Variants in MAF observed in about 807,000 individuals in gnomAD.
MAF encodes the protein transcription factor Maf.
Under a neutral mutation model 22.0 loss-of-function variants are expected in MAF, and 10 were observed. That is an observed-to-expected ratio of 0.45 (90% CI 0.28 to 0.77). MAF has a LOEUF of 0.77. MAF is among the 30% of genes least tolerant of loss of function. The pLI is 0.12. For synonymous variants in MAF, 337 were observed against 255.8 expected (o/e 1.32, Z -3.03); for missense variants, 544 against 548.4 (o/e 0.99, Z 0.08).
At chr16:79,582,585 C>T (rs1435083088), downstream of MAF, among the ~76,000 whole-genome samples, 4 of 152,084 alleles carry the variant, frequency 2.6e-5, no homozygotes, top group Non-Finnish European at 4.4e-5. Flanking sequence ...GAAAGAAAAA[C>T]GTTAGCCAGG....
the MAF span, among the ~76,000 whole-genome samples, chr16:79,334,251 C>G: frequency 2.0e-5 from 3 of 152,198 alleles, no homozygotes; most frequent in South Asian, 2.1e-4. Flanking sequence ...GTGCAATGGA[C>G]TATTGCACAG....
chr16:79,300,037 C>T, the MAF span, among the ~76,000 whole-genome samples: 2 of 152,106 alleles, frequency 1.3e-5, no homozygotes, highest in Admixed American at 6.6e-5. Flanking sequence ...TCCCACCTGG[C>T]GTCTCTTCCG....
chr16:79,308,430 A>G, the MAF span, among the ~76,000 whole-genome samples: 1,173 of 152,274 alleles, frequency 7.7e-3, 16 homozygotes, highest in African/African-American at 0.027. Context: ...CAGGCAGGCT[A>G]AATAACCTCA....
the MAF span, among the ~76,000 whole-genome samples, chr16:79,471,716 A>G: frequency 6.6e-6 from 1 of 152,298 alleles, no homozygotes; most frequent in South Asian, 2.1e-4. Context: ...CAAGTAAAAA[A>G]GCCCTGAGGT....
At chr16:79,446,158 A>G in the MAF span, among the ~76,000 whole-genome samples, 25 of 152,302 alleles carry the variant, frequency 1.6e-4, no homozygotes, top group Admixed American at 3.3e-4. Flanking sequence ...ATTTTCATCA[A>G]TGGAAGGGGA....
the MAF span, among the ~76,000 whole-genome samples, chr16:79,405,642 G>A: frequency 0.14 from 20,964 of 152,112 alleles, 1,629 homozygotes; most frequent in South Asian, 0.26. Context: ...AAAACATTTA[G>A]GTCCTGAAGA....
At chr16:79,442,146 T>C in the MAF span, among the ~76,000 whole-genome samples, 1 of 152,204 alleles carries the variant, frequency 6.6e-6, no homozygotes, top group Non-Finnish European at 1.5e-5. Context: ...ATGAATCAAT[T>C]TCTGTTGCTT....
the MAF span, among the ~76,000 whole-genome samples, chr16:79,486,348 T>G: frequency 2.0e-5 from 3 of 152,354 alleles, no homozygotes; most frequent in South Asian, 6.2e-4. Context: ...TGAAAAAGTT[T>G]TGAAAGTGAT....
At chr16:79,239,010 C>T in the MAF span, among the ~76,000 whole-genome samples, 2 of 152,088 alleles carry the variant, frequency 1.3e-5, no homozygotes, top group African/African-American at 4.8e-5. Flanking sequence ...GTGCTGGCTA[C>T]AAGCTGGGGA....
chr16:79,405,954 C>G, the MAF span, among the ~76,000 whole-genome samples: 1 of 152,184 alleles, frequency 6.6e-6, no homozygotes, highest in Admixed American at 6.5e-5. Context: ...CTGCCCACGG[C>G]TTCTTTGGCT....
chr16:79,451,417 A>T, the MAF span, among the ~76,000 whole-genome samples: 5 of 152,210 alleles, frequency 3.3e-5, no homozygotes, highest in Non-Finnish European at 5.9e-5. Context: ...CTCAGAGACC[A>T]CTTCCCTTCC....
the MAF span, among the ~76,000 whole-genome samples, chr16:79,434,284 AC>A: frequency 2.0e-5 from 3 of 152,244 alleles, no homozygotes; most frequent in Non-Finnish European, 4.4e-5. Context: ...TGAAGCTCAC[AC>A]ATACACACAC....
the MAF span, among the ~76,000 whole-genome samples, chr16:79,388,283 G>A: frequency 2.7e-5 from 1 of 37,248 alleles, no homozygotes; most frequent in Non-Finnish European, 4.8e-5. Flanking sequence ...AACCTTTGTA[G>A]AAAGTTCATA....
At chr16:79,395,161 G>A in the MAF span, among the ~76,000 whole-genome samples, 1 of 152,156 alleles carries the variant, frequency 6.6e-6, no homozygotes, top group Admixed American at 6.5e-5. Context: ...GTGGGCACTG[G>A]GACACGTGTT....
chr16:79,387,411 T>G, the MAF span, among the ~76,000 whole-genome samples: 2 of 152,140 alleles, frequency 1.3e-5, no homozygotes, highest in East Asian at 3.9e-4. Flanking sequence ...GATCCCAACA[T>G]CCACTACTAA....
rs755051166 is a variant in MAF, at chr16:79,599,114, G to T, written c.789C>A (p.Asp263Glu). The change falls in exon 1 of 2, where the codon GAC becomes GAA. Residue 263 changes from aspartate (D) to glutamate (E), a missense_variant. Around this residue, in one of 5 missense-constraint regions of MAF, gnomAD observed 342 missense variants for 315.5 expected, o/e 1.08. Coordinates refer to ENST00000326043, the MANE Select transcript of MAF (RefSeq NM_005360.5). ...GCACAGACATGGTCACCAGCTGCTC[G>T]TCGGAGAAGCGGTCGTCGAAGTGCA... ...GGLHFDDRFS[D>E]EQLVTMSVRE... is the part of the protein sequence containing the mutation. 3.8e-6 allele frequency: 6 copies of T among 1,599,876 alleles called. No homozygotes were observed. Among genetic ancestry groups the T allele is most frequent in the Non-Finnish European group, 5.1e-6 (6 of 1,177,966 alleles).
chr16:79,420,198 T>C, the MAF span, among the ~76,000 whole-genome samples: 1 of 152,316 alleles, frequency 6.6e-6, no homozygotes, highest in Non-Finnish European at 1.5e-5. Flanking sequence ...ATCAATAAGA[T>C]TGATCCCTCA....
chr16:79,549,583 A>G, the MAF span, among the ~76,000 whole-genome samples: 117 of 152,330 alleles, frequency 7.7e-4, no homozygotes, highest in Middle Eastern at 0.01. Flanking sequence ...CCCAGCTTCA[A>G]TTACACTGGC....
chr16:79,355,150 G>C, the MAF span, among the ~76,000 whole-genome samples: 8,646 of 152,096 alleles, frequency 0.057, 790 homozygotes, highest in African/African-American at 0.2. Context: ...CTATCTTGCA[G>C]GATCCTAGTG....
Sources: gnomAD v4.1 joint callset for allele counts (sites outside exome capture counted in the v4.1 genomes callset) on GRCh38, gnomAD v4.1.1 for gene constraint, gnomAD v4.1.1 regional missense constraint, MANE v1.5 for transcripts, NCBI Gene and HGNC (gene_info 2026-07-23, HGNC 2026-07-21) for gene names.